The following PTPRZ1 variants were observed in gnomAD, a reference collection of about 807,000 sequenced individuals.
PTPRZ1 encodes protein tyrosine phosphatase receptor type Z1.
Under a neutral mutation model 214.1 loss-of-function variants are expected in PTPRZ1, and 82 were observed. The ratio of observed to expected loss-of-function variants is 0.38; its 90% CI spans 0.32 to 0.46. PTPRZ1 has a LOEUF of 0.46. Among genes scored for constraint, PTPRZ1 ranks in the 20% least tolerant of loss-of-function variants. The probability of loss-of-function intolerance (pLI) is 1.00; values close to 1 mark genes in which losing one functional copy is unlikely to be tolerated. For synonymous variants in PTPRZ1, 945 were observed against 987.9 expected (o/e 0.96, Z 0.81); for missense variants, 2,603 against 2,748.7 (o/e 0.95, Z 1.19).
At chr7:121,988,954 G>T (rs1177921032) in intron 8 of PTPRZ1, among the ~76,000 whole-genome samples, 1 of 152,110 alleles carries the variant, frequency 6.6e-6, no homozygotes, top group Admixed American at 6.5e-5. Context: ...GGAAAAGAAA[G>T]ATTCTAATTT....
Position 122,034,345 on chromosome 7 carries a change from A to C in PTPRZ1, c.5251A>C (p.Lys1751Gln), listed in dbSNP as rs2150472297. The change falls in exon 17 of 30, where the codon AAG becomes CAG. Residue 1751 changes from lysine (K) to glutamine (Q), a missense_variant. By Grantham distance (53) the Lys-to-Gln change is moderately conservative. Around this residue, in one of 6 missense-constraint regions of PTPRZ1, gnomAD observed 1,913 missense variants for 1,914.3 expected, o/e 1.00. Coordinates refer to ENST00000393386, the MANE Select transcript of PTPRZ1 (RefSeq NM_002851.3). ...TADSSNHPDN[K>Q]HKNRYINIVA... ...AGACAGCTCCAACCACCCAGACAACAAGCACAAGAATCGATACATAAATAT... is the reference window on the plus strand; with the variant it reads ...AGACAGCTCCAACCACCCAGACAACCAGCACAAGAATCGATACATAAATAT... 4 of 1,613,490 alleles carry C rather than the reference A, an allele frequency of 2.5e-6. No homozygotes were observed. Among genetic ancestry groups the C allele is most frequent in the Non-Finnish European group, 3.4e-6 (4 of 1,179,640 alleles).
chr7:122,040,253 G>T (rs1799683066), intron 20 of PTPRZ1, among the ~76,000 whole-genome samples: 1 of 152,170 alleles, frequency 6.6e-6, no homozygotes, highest in South Asian at 2.1e-4. Context: ...TATTACTCAG[G>T]TTCTTCAAAG....
intron 14 of PTPRZ1, among the ~76,000 whole-genome samples, chr7:122,030,082 A>AT (rs1799328690): frequency 6.6e-6 from 1 of 151,940 alleles, no homozygotes; most frequent in Non-Finnish European, 1.5e-5. Context: ...AACATGGTTT[A>AT]TTTTTAACAA....
At chr7:122,024,122 T>A (rs553975777) in intron 13 of PTPRZ1, among the ~76,000 whole-genome samples, 2 of 152,054 alleles carry the variant, frequency 1.3e-5, no homozygotes, top group South Asian at 4.1e-4. Context: ...CTGAATCTTG[T>A]CATACATTAA....
At chr7:121,901,763 T>A (rs1794968594) in intron 1 of PTPRZ1, among the ~76,000 whole-genome samples, 1 of 152,216 alleles carries the variant, frequency 6.6e-6, no homozygotes, top group African/African-American at 2.4e-5. Flanking sequence ...GGCTACAATA[T>A]GATGTTTCAA....
rs765189948 is a variant in PTPRZ1 at position 121,984,132 on chromosome 7, A to G, written c.928+15A>G. ...TCATGAAGCAGGTATGTATTTAAATATAATCTTCTACAACTCTCATAGATG... is the reference window on the plus strand; with the variant it reads ...TCATGAAGCAGGTATGTATTTAAATGTAATCTTCTACAACTCTCATAGATG... On this transcript the variant is annotated intron_variant, in intron 8 of 29. Transcript: ENST00000393386. 7 of 1,604,324 alleles carry G rather than the reference A, an allele frequency of 4.4e-6. No homozygotes were observed. In the Admixed American group the frequency reaches 1.0e-4, roughly 23 times the overall value.
At position 122,045,400 on chromosome 7, in the gene PTPRZ1, C is replaced by G. The variant is rs1256820340; in HGVS notation, c.6084+832C>G. Among the ~76,000 whole-genome samples the G allele has an allele frequency of 2.6e-5, 4 of 152,160 alleles. No homozygotes were observed. The South Asian group carries it at 8.3e-4, about 32-fold the overall frequency. On this transcript the variant is annotated intron_variant, in intron 23 of 29. Transcript: ENST00000393386. ...GATTTCACTTATTTCTCCTGCTTTG[C>G]TCCCCAGTCTACAGCATAGGATGTT...
intron 14 of PTPRZ1, among the ~76,000 whole-genome samples, chr7:122,029,758 T>G (rs540221707): frequency 6.3e-4 from 96 of 151,570 alleles, no homozygotes; most frequent in African/African-American, 2.0e-3. Flanking sequence ...ATGTCATATG[T>G]TATATATATT....
chr7:121,890,030 C>T (rs967592585), intron 1 of PTPRZ1, among the ~76,000 whole-genome samples: 10 of 152,232 alleles, frequency 6.6e-5, no homozygotes, highest in African/African-American at 2.4e-4. Flanking sequence ...CATTGTAGTC[C>T]TGAGAGTTCT....
At position 122,061,457 on chromosome 7, in the gene PTPRZ1, A is replaced by C; in HGVS notation, c.*237A>C. ...ATTGAATTTTACAGTATTTCTAAGA[A>C]TGGAATTGTGGTATTTTTTTCTGTA... On this transcript the variant is annotated 3_prime_UTR_variant, in exon 30 of 30. Transcript: ENST00000393386. 1 of 286,022 alleles carries C rather than the reference A, an allele frequency of 3.5e-6. No homozygotes were observed. The highest frequency in any genetic ancestry group is 6.4e-6 in the Non-Finnish European group (1 of 156,692). The allele number at this position is 286,022 out of a possible 1,614,324, so 17.7% of individuals were successfully genotyped here.
At chr7:122,050,622 T>C (rs1385876360) in intron 23 of PTPRZ1, among the ~76,000 whole-genome samples, 1 of 152,082 alleles carries the variant, frequency 6.6e-6, no homozygotes, top group Non-Finnish European at 1.5e-5. Flanking sequence ...TTAAAGAAAC[T>C]GAAGATGTTT....
chr7:121,993,256 A>G (rs1798026297), intron 8 of PTPRZ1, among the ~76,000 whole-genome samples: 3 of 152,068 alleles, frequency 2.0e-5, no homozygotes, highest in Admixed American at 1.3e-4. Flanking sequence ...TGCTTCTAAT[A>G]AGATAATTGG....
At chr7:122,057,287 G>T (rs1238768902) in intron 27 of PTPRZ1, among the ~76,000 whole-genome samples, 2 of 151,810 alleles carry the variant, frequency 1.3e-5, no homozygotes, top group Non-Finnish European at 2.9e-5. Context: ...GCTTGTGCTG[G>T]GAATGAAACG....
intron 4 of PTPRZ1, 32 bp from the exon 5 acceptor site, chr7:121,976,141 G>A: frequency 7.7e-6 from 11 of 1,421,666 alleles, no homozygotes; most frequent in South Asian, 1.2e-5. Flanking sequence ...AAGTCTTTGT[G>A]TATCATAAAA....
At chr7:121,968,763 A>T (rs1797123091) in intron 3 of PTPRZ1, among the ~76,000 whole-genome samples, 2 of 151,958 alleles carry the variant, frequency 1.3e-5, no homozygotes, top group African/African-American at 4.8e-5. Flanking sequence ...TAGTTTTTTT[A>T]AAAATTGTAT....
intron 1 of PTPRZ1, among the ~76,000 whole-genome samples, chr7:121,911,763 T>C (rs1415919922): frequency 9.1e-5 from 7 of 76,688 alleles, no homozygotes; most frequent in Non-Finnish European, 1.4e-4. Context: ...ATGCATTATA[T>C]TTTGGAAACT....
At chr7:122,040,534 C>T (rs1799692082) in intron 20 of PTPRZ1, among the ~76,000 whole-genome samples, 1 of 152,200 alleles carries the variant, frequency 6.6e-6, no homozygotes, top group Non-Finnish European at 1.5e-5. Context: ...TGCTGACTTA[C>T]ATGTTAATCA....
Position 121,895,955 on chromosome 7 carries a change from G to A in PTPRZ1, c.58+22398G>A, listed in dbSNP as rs192517361. On this transcript the variant is annotated intron_variant, in intron 1 of 29. Transcript: ENST00000393386. ...GCCCCTTGTCTGGGTCCTCCTTCTC[G>A]CCAAGTGTTACCAGGCTCCCTAGTC... Among the ~76,000 whole-genome samples, 11 of 152,146 alleles carry A rather than the reference G, an allele frequency of 7.2e-5. 1 individual carries two copies. In the East Asian group the frequency reaches 9.7e-4, roughly 13 times the overall value.
intron 2 of PTPRZ1, among the ~76,000 whole-genome samples, chr7:121,943,856 A>G (rs564498002): frequency 1.1e-4 from 17 of 152,324 alleles, no homozygotes; most frequent in African/African-American, 2.2e-4. Context: ...CTCTAGGTCA[A>G]TCTCAGCTTA....
Sources: gnomAD v4.1 joint callset for allele counts (sites outside exome capture counted in the v4.1 genomes callset) on GRCh38, gnomAD v4.1.1 for gene constraint, gnomAD v4.1.1 regional missense constraint, MANE v1.5 for transcripts, NCBI Gene and HGNC (gene_info 2026-07-23, HGNC 2026-07-21) for gene names.